The following AGBL4 variants were observed in gnomAD, a reference collection of about 807,000 sequenced individuals.
AGBL4 encodes AGBL carboxypeptidase 4.
In AGBL4, 58 loss-of-function variants were observed where a neutral mutation model predicts 66.4. That is an observed-to-expected ratio of 0.87 (90% CI 0.71 to 1.09). AGBL4 has a LOEUF of 1.09. Ranked by LOEUF, AGBL4 falls within the 50% of genes least tolerant of loss-of-function variation. The pLI, the probability that AGBL4 is intolerant of heterozygous loss-of-function variation, is 0.00. For missense variants in AGBL4, 579 were observed against 631.0 expected, an observed-to-expected ratio of 0.92 and a Z score of 0.88; for synonymous variants, 234 against 222.9, an observed-to-expected ratio of 1.05 and a Z score of -0.44.
intron 1 of AGBL4, among the ~76,000 whole-genome samples, chr1:49,988,646 C>T: frequency 6.6e-6 from 1 of 152,160 alleles, no homozygotes; most frequent in Non-Finnish European, 1.5e-5. Context: ...ACTAGTTTTA[C>T]TATTTAACTT....
Position 49,050,793 on chromosome 1 carries a change from C to T in AGBL4, c.378-4993G>A, listed in dbSNP as rs114230759. Among the ~76,000 whole-genome samples the T allele has an allele frequency of 2.5e-3, 377 of 152,210 alleles. 1 individual carries two copies. Among genetic ancestry groups the T allele is most frequent in the Admixed American group, 3.5e-3 (53 of 15,266 alleles). Reference sequence around the variant, plus strand: ...CTCTAAATACTAATTGCAGACACTGCTGTTTTTCTGATTTACCTCAAAATC... The same window carrying T: ...CTCTAAATACTAATTGCAGACACTGTTGTTTTTCTGATTTACCTCAAAATC... On this transcript the variant is annotated intron_variant, in intron 4 of 13. Transcript: ENST00000371839.
At chr1:48,766,555 C>T (rs1644541529) in intron 6 of AGBL4, among the ~76,000 whole-genome samples, 3 of 152,214 alleles carry the variant, frequency 2.0e-5, no homozygotes, top group Non-Finnish European at 2.9e-5. Flanking sequence ...GTGGCCAACC[C>T]TCAGGGCTTG....
intron 3 of AGBL4, among the ~76,000 whole-genome samples, chr1:49,550,705 C>T (rs1172049852): frequency 3.3e-5 from 5 of 152,120 alleles, no homozygotes; most frequent in Non-Finnish European, 7.4e-5. Context: ...TATAGGTTAC[C>T]TAGTGCTTCT....
intron 1 of AGBL4, among the ~76,000 whole-genome samples, chr1:49,890,104 G>A (rs1648486040): frequency 6.6e-6 from 1 of 152,034 alleles, no homozygotes; most frequent in South Asian, 2.1e-4. Flanking sequence ...TGAGACATTG[G>A]GCTAAGCATT....
intron 8 of AGBL4, among the ~76,000 whole-genome samples, chr1:48,642,158 C>T (rs558458199): frequency 1.3e-5 from 2 of 152,254 alleles, no homozygotes; most frequent in African/African-American, 4.8e-5. Flanking sequence ...ACAAACTGCA[C>T]ATCCATATGG....
intron 3 of AGBL4, among the ~76,000 whole-genome samples, chr1:49,367,626 C>T (rs909873342): frequency 6.6e-6 from 1 of 152,156 alleles, no homozygotes; most frequent in Non-Finnish European, 1.5e-5. Flanking sequence ...CCAAAGATCC[C>T]ACCATCGTGT....
chr1:48,567,274 T>C (rs1644492490), intron 11 of AGBL4, among the ~76,000 whole-genome samples: 1 of 152,194 alleles, frequency 6.6e-6, no homozygotes, highest in African/African-American at 2.4e-5. Context: ...GTCCATCACC[T>C]CCAGGAAGTC....
chr1:48,782,973 C>T (rs1351715929), intron 6 of AGBL4, among the ~76,000 whole-genome samples: 4 of 152,200 alleles, frequency 2.6e-5, no homozygotes, highest in Non-Finnish European at 5.9e-5. Context: ...TTTACTGTCT[C>T]CATAGTTTTG....
chr1:49,485,333 CATT>C (rs926073851), intron 3 of AGBL4, among the ~76,000 whole-genome samples: 18 of 151,628 alleles, frequency 1.2e-4, no homozygotes, highest in Non-Finnish European at 1.9e-4. Context: ...TGGAAATCAT[CATT>C]CTCAGCAAAC....
chr1:48,944,484 C>T (rs1361797106), intron 5 of AGBL4, among the ~76,000 whole-genome samples: 1 of 152,158 alleles, frequency 6.6e-6, no homozygotes, highest in Admixed American at 6.5e-5. Context: ...TTATAAATGA[C>T]ATGGTCAAAC....
rs879554385 is a variant in AGBL4, at chr1:48,867,059, T to C, written c.634+132A>G. On this transcript the variant is annotated intron_variant, in intron 6 of 13. Transcript: ENST00000371839. Reference sequence around the variant, plus strand: ...AGAGGGTAGGGGAGGAGAAGAATCATTCATGGTGCAAGAGTTCTGCCGTTC... The same window carrying C: ...AGAGGGTAGGGGAGGAGAAGAATCACTCATGGTGCAAGAGTTCTGCCGTTC... The C allele has an allele frequency of 2.2e-5, 23 of 1,029,752 alleles. No individual in the cohort carries two copies. The Admixed American group carries it at 4.4e-4, about 20-fold the overall frequency. 63.8% of individuals were successfully genotyped at this position (1,029,752 alleles called of 1,614,324 possible).
At chr1:50,009,189 G>A (rs1367033666) in intron 1 of AGBL4, among the ~76,000 whole-genome samples, 1 of 151,756 alleles carries the variant, frequency 6.6e-6, no homozygotes, top group Non-Finnish European at 1.5e-5. Context: ...ACACATCTAG[G>A]GAAAAACAAA....
intron 6 of AGBL4, among the ~76,000 whole-genome samples, chr1:48,816,267 G>A (rs926974948): frequency 1.3e-5 from 2 of 152,142 alleles, no homozygotes; most frequent in Non-Finnish European, 2.9e-5. Flanking sequence ...GAGGACTAAA[G>A]GTAACCTTTG....
At position 48,933,786 on chromosome 1, in the gene AGBL4, T is replaced by C. The variant is rs571193636; in HGVS notation, c.595-66556A>G. 2.8e-4 allele frequency among the ~76,000 whole-genome samples: 43 copies of C among 152,346 alleles called. No individual in the cohort carries two copies. The South Asian group carries it at 8.3e-3, about 29-fold the overall frequency. On this transcript the variant is annotated intron_variant, in intron 5 of 13. Transcript: ENST00000371839. Reference sequence around the variant, plus strand: ...CATACCACACACATTAACTAGTATTTATTATTACTTCTTCCCAATCATCTC... The same window carrying C: ...CATACCACACACATTAACTAGTATTCATTATTACTTCTTCCCAATCATCTC...
intron 3 of AGBL4, among the ~76,000 whole-genome samples, chr1:49,598,450 G>A (rs57274060): frequency 0.022 from 3,373 of 152,278 alleles, 108 homozygotes; most frequent in African/African-American, 0.073. Flanking sequence ...ACCTTCAGCT[G>A]CAGGTCTGTT....
chr1:49,858,693 A>C (rs1021389648), intron 1 of AGBL4, among the ~76,000 whole-genome samples: 2 of 152,272 alleles, frequency 1.3e-5, no homozygotes. Context: ...TAATCCTAAA[A>C]GTATACACAC....
At chr1:48,886,493 G>A (rs753247104) in intron 5 of AGBL4, among the ~76,000 whole-genome samples, 18 of 152,244 alleles carry the variant, frequency 1.2e-4, no homozygotes, top group South Asian at 4.1e-4. Flanking sequence ...TGCTGTGGGC[G>A]TCACACTTCT....
At chr1:49,703,722 G>A (rs1647145110) in intron 2 of AGBL4, among the ~76,000 whole-genome samples, 2 of 151,724 alleles carry the variant, frequency 1.3e-5, no homozygotes, top group African/African-American at 2.4e-5. Context: ...TTGCAATACA[G>A]CAAGAAAAAC....
At chr1:49,865,600 A>G (rs1234128751) in intron 1 of AGBL4, among the ~76,000 whole-genome samples, 1 of 152,190 alleles carries the variant, frequency 6.6e-6, no homozygotes, top group African/African-American at 2.4e-5. Context: ...CTCCATCCAA[A>G]GTCATCATCC....
Sources: gnomAD v4.1 joint callset for allele counts (sites outside exome capture counted in the v4.1 genomes callset) on GRCh38, gnomAD v4.1.1 for gene constraint, MANE v1.5 for transcripts, NCBI Gene and HGNC (gene_info 2026-07-23, HGNC 2026-07-21) for gene names.